VPS13D: variants seen among roughly 807,000 people sequenced by gnomAD.
VPS13D encodes intermembrane lipid transfer protein VPS13D.
A neutral mutation model predicts 461.9 loss-of-function variants in VPS13D; 187 were observed. The observed-to-expected ratio is 0.40, with a 90% CI of 0.36 to 0.46. The LOEUF (loss-of-function observed/expected upper bound fraction) is 0.46, where lower values mean the gene tolerates loss of function less well. Among genes scored for constraint, VPS13D ranks in the 20% least tolerant of loss-of-function variants. The pLI, the probability that VPS13D is intolerant of heterozygous loss-of-function variation, is 0.60. For synonymous variants in VPS13D, 1,951 were observed against 1,986.3 expected, an observed-to-expected ratio of 0.98 and a Z score of 0.47; for missense variants, 4,711 against 5,364.9, an observed-to-expected ratio of 0.88 and a Z score of 3.81.
intron 65 of VPS13D, among the ~76,000 whole-genome samples, chr1:12,418,728 C>T (rs1332277664): frequency 6.6e-6 from 1 of 152,158 alleles, no homozygotes; most frequent in Non-Finnish European, 1.5e-5. Flanking sequence ...GTAGTATTTG[C>T]ATGGAGACTT....
chr1:12,421,944 C>T (rs747798146), intron 65 of VPS13D, among the ~76,000 whole-genome samples: 1 of 152,192 alleles, frequency 6.6e-6, no homozygotes, highest in Non-Finnish European at 1.5e-5. Context: ...ACCTCAGCCT[C>T]CAGAGTAGCA....
At chr1:12,489,961 T>C (rs1645853840) in intron 67 of VPS13D, among the ~76,000 whole-genome samples, 1 of 152,226 alleles carries the variant, frequency 6.6e-6, no homozygotes, top group Non-Finnish European at 1.5e-5. Context: ...TCAGCCATTA[T>C]ATTATGCTGC....
At chr1:12,413,839 G>C (rs1397466809) in intron 63 of VPS13D, among the ~76,000 whole-genome samples, 1 of 151,814 alleles carries the variant, frequency 6.6e-6, no homozygotes. Flanking sequence ...AATAGCAAGG[G>C]ATCTTGTAGA....
chr1:12,381,930 C>CTTTCTTTCT (rs1644281646), intron 57 of VPS13D, among the ~76,000 whole-genome samples: 1 of 78,548 alleles, frequency 1.3e-5, no homozygotes, highest in Non-Finnish European at 2.4e-5. Flanking sequence ...TCTTTTCTTT[C>CTTTCTTTCT]TTTCTTTCTT....
rs79108479 is a variant in VPS13D at position 12,333,067 on chromosome 1, C to T, written c.8288-159C>T. 5.6e-3 allele frequency among the ~76,000 whole-genome samples: 853 copies of T among 152,194 alleles called. 9 individuals are homozygous for T. Among genetic ancestry groups the T allele is most frequent in the African/African-American group, 0.019 (775 of 41,506 alleles). On this transcript the variant is annotated intron_variant, in intron 37 of 69. Transcript: ENST00000620676. The stretch of plus-strand genomic sequence containing the variant: ...GACAACGCAGACATCTGTAGGGTGA[C>T]CTGTAGCTAAAGGTGGTTGGTGCTT...
chr1:12,321,824 C>T lies in VPS13D; in HGVS notation c.7564C>T (p.Leu2522=). 6.2e-7 allele frequency: 1 copy of T among 1,601,024 alleles called. No homozygotes were observed. The highest frequency in any genetic ancestry group is 1.1e-5 in the South Asian group (1 of 88,292). The part of the protein sequence containing the change: ...LFGIEVFSCR[L]GNEHDTALSI... Reference sequence around the variant, plus strand: ...CATTCTGTAGGTGTTTTCATGCCGACTAGGGAATGAGCATGATACAGCTCT... The same window carrying T: ...CATTCTGTAGGTGTTTTCATGCCGATTAGGGAATGAGCATGATACAGCTCT... The change falls in exon 33 of 70, where the codon CTA becomes TTA. Residue 2522 remains leucine (L), a synonymous_variant. Transcript: ENST00000620676.
intron 63 of VPS13D, among the ~76,000 whole-genome samples, 167 bp downstream of exon 63, chr1:12,404,140 TTTA>T (rs1464699906): frequency 6.6e-6 from 1 of 150,814 alleles, no homozygotes; most frequent in Non-Finnish European, 1.5e-5. Flanking sequence ...TTTCAGAAGG[TTTA>T]TTGACTTACG....
Position 12,383,145 on chromosome 1 carries a change from G to C in VPS13D, c.11360G>C (p.Arg3787Thr). The C allele has an allele frequency of 6.2e-7, 1 of 1,613,046 alleles. No homozygotes were observed. ...SIRVIPDGPT[R>T]ALQITDFCHR... ...AGAGTCATCCCAGATGGACCAACTAGAGCACTCCAGGTGATAATTTGTCAT... is the reference window on the plus strand; with the variant it reads ...AGAGTCATCCCAGATGGACCAACTACAGCACTCCAGGTGATAATTTGTCAT... Residue 3787 changes from arginine (R) to threonine (T), a missense_variant, in exon 58 of 70, where the codon AGA becomes ACA. This residue lies in a region of VPS13D where 4,411 missense variants were observed against 4,937.8 expected (regional missense o/e 0.89). Coordinates refer to ENST00000620676, the MANE Select transcript of VPS13D (RefSeq NM_015378.4).
chr1:12,320,124 C>T (rs1410338006), intron 32 of VPS13D, among the ~76,000 whole-genome samples: 1 of 152,242 alleles, frequency 6.6e-6, no homozygotes, highest in Non-Finnish European at 1.5e-5. Flanking sequence ...AAAAGGGCAG[C>T]TCTGCAGAGT....
intron 59 of VPS13D, among the ~76,000 whole-genome samples, chr1:12,385,961 C>G (rs1557748590): frequency 6.6e-6 from 1 of 152,132 alleles, no homozygotes. Context: ...ATCACATACT[C>G]TGGAGTTCTC....
chr1:12,285,288 A>ATTTTTT (rs200200673), intron 21 of VPS13D, among the ~76,000 whole-genome samples: 1 of 145,086 alleles, frequency 6.9e-6, no homozygotes, highest in Admixed American at 6.9e-5. Context: ...TTATTTATTT[A>ATTTTTT]TTTATTTATT....
chr1:12,424,306 C>G (rs1487406100), intron 65 of VPS13D, among the ~76,000 whole-genome samples: 1 of 152,166 alleles, frequency 6.6e-6, no homozygotes, highest in Non-Finnish European at 1.5e-5. Context: ...AAATTTTTGG[C>G]ATCAGAATTT....
In VPS13D at chr1:12,299,821, T is replaced by C. The variant is rs181561276; in HGVS notation, c.6216+437T>C. On this transcript the variant is annotated intron_variant, in intron 25 of 69. Coordinates refer to ENST00000620676, the MANE Select transcript of VPS13D (RefSeq NM_015378.4). This position sits in a 1 kb window ranked among gnomAD's most constrained non-coding sequence, Gnocchi z 4.2. Reference sequence around the variant, plus strand: ...TCAGAGGACGTGATTGGCCCGTGGTTTACTTGAAGCCATTTAAAAATGTCT... The same window carrying C: ...TCAGAGGACGTGATTGGCCCGTGGTCTACTTGAAGCCATTTAAAAATGTCT... 1.2e-3 allele frequency among the ~76,000 whole-genome samples: 176 copies of C among 152,218 alleles called. 5 individuals are homozygous for C. In the East Asian group the frequency reaches 0.031, roughly 27 times the overall value.
intron 65 of VPS13D, among the ~76,000 whole-genome samples, chr1:12,438,651 C>T (rs1645091859): frequency 1.3e-5 from 2 of 152,166 alleles, no homozygotes; most frequent in South Asian, 4.1e-4. Flanking sequence ...AAGATCTCAC[C>T]TCCTCCTCCC....
intron 68 of VPS13D, among the ~76,000 whole-genome samples, chr1:12,503,146 C>T (rs1319393709): frequency 6.6e-6 from 1 of 152,104 alleles, no homozygotes; most frequent in African/African-American, 2.4e-5. Context: ...TTATGGATGA[C>T]ATTAGTGATG....
chr1:12,258,633 G>A (rs1460810008), intron 10 of VPS13D, among the ~76,000 whole-genome samples: 1 of 152,196 alleles, frequency 6.6e-6, no homozygotes, highest in Non-Finnish European at 1.5e-5. Context: ...CCTGGCATGG[G>A]ACCCCACCCC....
intron 36 of VPS13D, among the ~76,000 whole-genome samples, chr1:12,329,332 G>A (rs1342457996): frequency 6.6e-6 from 1 of 152,112 alleles, no homozygotes; most frequent in African/African-American, 2.4e-5. Context: ...TCCTGCCTCA[G>A]CCTCCCAAAT....
intron 35 of VPS13D, among the ~76,000 whole-genome samples, chr1:12,325,563 C>A (rs1453961123): frequency 6.6e-6 from 1 of 152,174 alleles, no homozygotes; most frequent in African/African-American, 2.4e-5. Context: ...CGGCCTCTTT[C>A]TACTTCTCTA....
rs1316827431 is a variant in VPS13D at position 12,316,518 on chromosome 1, A to G, written c.7149-1554A>G. Among the ~76,000 whole-genome samples the G allele has an allele frequency of 6.6e-5, 10 of 152,294 alleles. 1 individual carries two copies. In the South Asian group the frequency reaches 2.1e-3, roughly 32 times the overall value. ...AATCTATGTTCAAAATGGGGTGGAA[A>G]AATTTTACTGAGGGCAACATTTTTT... On this transcript the variant is annotated intron_variant, in intron 30 of 69. Coordinates refer to ENST00000620676, the MANE Select transcript of VPS13D (RefSeq NM_015378.4).
Sources: gnomAD v4.1 joint callset for allele counts (sites outside exome capture counted in the v4.1 genomes callset) on GRCh38, gnomAD v4.1.1 for gene constraint, gnomAD v4.1.1 regional missense constraint, Gnocchi (gnomAD v3.1) non-coding constraint, MANE v1.5 for transcripts, NCBI Gene and HGNC (gene_info 2026-07-23, HGNC 2026-07-21) for gene names.